TBX10: variants seen among roughly 807,000 people sequenced by gnomAD.
The protein encoded by TBX10 is T-box transcription factor 10.
Under a neutral mutation model 32.4 loss-of-function variants are expected in TBX10, and 26 were observed. The ratio of observed to expected loss-of-function variants is 0.80; its 90% CI spans 0.59 to 1.11. TBX10 has a LOEUF of 1.11. TBX10 is among the 50% of genes most tolerant of loss of function. The pLI is 0.00. For missense variants in TBX10, 490 were observed against 494.5 expected (o/e 0.99, Z 0.09); for synonymous variants, 195 against 203.1 (o/e 0.96, Z 0.34).
chr11:67,637,450 C>T (rs935011711), intron 1 of TBX10, among the ~76,000 whole-genome samples: 1 of 152,184 alleles, frequency 6.6e-6, no homozygotes, highest in African/African-American at 2.4e-5. Flanking sequence ...TATAACCTGA[C>T]GTGTCCACCC....
At chr11:67,640,915 C>T (rs754915748), upstream of TBX10, among the ~76,000 whole-genome samples, 8 of 152,136 alleles carry the variant, frequency 5.3e-5, no homozygotes, top group East Asian at 1.9e-4. Flanking sequence ...CACACAAAGA[C>T]GGTGGGCTGG....
At chr11:67,634,410 T>C (rs1456791536) in intron 3 of TBX10, 50 bp from the exon 4 acceptor site, 1 of 1,594,282 alleles carries the variant, frequency 6.3e-7, no homozygotes, top group South Asian at 1.1e-5. Context: ...GAGTCACGCC[T>C]GAACAATACA....
upstream of TBX10, among the ~76,000 whole-genome samples, chr11:67,641,726 C>T (rs999942234): frequency 5.9e-5 from 9 of 152,194 alleles, no homozygotes; most frequent in East Asian, 1.9e-4. Context: ...CAGGCAGGTG[C>T]GGGCAGTGAG....
intron 1 of TBX10, among the ~76,000 whole-genome samples, chr11:67,637,085 A>G (rs1855342303): frequency 6.6e-6 from 1 of 152,252 alleles, no homozygotes; most frequent in African/African-American, 2.4e-5. Context: ...CCAGACACCA[A>G]AGGACAAATA....
intron 4 of TBX10, 118 bp downstream of exon 4, chr11:67,634,071 G>T: frequency 8.9e-7 from 1 of 1,121,374 alleles, no homozygotes; most frequent in Non-Finnish European, 1.2e-6. Context: ...CCGGCTCCCC[G>T]CCCTGCCTTG....
chr11:67,635,391 T>C, intron 1 of TBX10, 128 bp from the exon 2 acceptor site: 1 of 1,336,308 alleles, frequency 7.5e-7, no homozygotes, highest in Non-Finnish European at 1.0e-6. Context: ...TCTCACAGGA[T>C]CCCCCACTCA....
At chr11:67,639,397 A>AGCC in intron 1 of TBX10, 69 bp downstream of exon 1, 1 of 381,860 alleles carries the variant, frequency 2.6e-6, no homozygotes. Context: ...CTTGGTTCCC[A>AGCC]CCCTGCCCAC....
At chr11:67,641,414 C>T (rs11607368), upstream of TBX10, among the ~76,000 whole-genome samples, 24,041 of 152,234 alleles carry the variant, frequency 0.16, 2,013 homozygotes, top group Non-Finnish European at 0.2. Flanking sequence ...CCACACAGCA[C>T]GCGCACAGAC....
chr11:67,632,580 C>T (rs1442212783), intron 6 of TBX10, 23 bp downstream of exon 6: 1 of 1,613,506 alleles, frequency 6.2e-7, no homozygotes, highest in South Asian at 1.1e-5. Flanking sequence ...GGGTGAGGGG[C>T]TAGGGTCAGG....
At chr11:67,634,042 G>C in intron 4 of TBX10, 147 bp downstream of exon 4, 1 of 735,910 alleles carries the variant, frequency 1.4e-6, no homozygotes, top group Non-Finnish European at 2.0e-6. Flanking sequence ...GCCACCCCCA[G>C]CCAGGTGAGC....
At chr11:67,641,108 T>C (rs1198185998), upstream of TBX10, among the ~76,000 whole-genome samples, 1 of 151,788 alleles carries the variant, frequency 6.6e-6, no homozygotes, top group Non-Finnish European at 1.5e-5. Flanking sequence ...GCCCTGGCCA[T>C]GGCATGGTGG....
intron 4 of TBX10, 33 bp from the exon 5 acceptor site, chr11:67,633,136 G>A: frequency 6.2e-7 from 1 of 1,606,656 alleles, no homozygotes; most frequent in Non-Finnish European, 8.5e-7. Context: ...GTACAGGGGT[G>A]AGGCGGAGTA....
At chr11:67,640,785 G>C (rs1320328663), upstream of TBX10, among the ~76,000 whole-genome samples, 1 of 152,188 alleles carries the variant, frequency 6.6e-6, no homozygotes, top group Admixed American at 6.5e-5. Flanking sequence ...TGGAGGGGCT[G>C]GGGGGCGGCA....
intron 1 of TBX10, 149 bp from the exon 2 acceptor site, chr11:67,635,412 G>A: frequency 8.4e-7 from 1 of 1,188,568 alleles, no homozygotes; most frequent in Admixed American, 2.1e-5. Context: ...GCATCACTCT[G>A]TGAGGTAAAT....
In TBX10 at chr11:67,631,861, G is replaced by A. The variant is rs868037507; in HGVS notation, c.902C>T (p.Thr301Ile). 6.3e-7 allele frequency: 1 copy of A among 1,577,430 alleles called. No individual in the cohort carries two copies. ...PNKASASTSK[T>I]PAWLHHQLLP... Reference sequence around the variant, plus strand: ...CAGCTGATGATGGAGCCAAGCAGGGGTCTTGGAGGTGGAAGCTGAAGCTTT... The same window carrying A: ...CAGCTGATGATGGAGCCAAGCAGGGATCTTGGAGGTGGAAGCTGAAGCTTT... The change falls in exon 8 of 8, where the codon ACC (threonine) becomes ATC (isoleucine). Residue 301 changes from threonine (T) to isoleucine (I), a missense_variant. Physicochemically the swap from Thr to Ile is moderately conservative, Grantham distance 89. Coordinates refer to ENST00000335385, the MANE Select transcript of TBX10 (RefSeq NM_005995.5).
chr11:67,636,283 A>T (rs1347164593), intron 1 of TBX10, among the ~76,000 whole-genome samples: 1 of 145,436 alleles, frequency 6.9e-6, no homozygotes, highest in South Asian at 2.2e-4. Context: ...GGATCTCCCT[A>T]TGTTGCCCAG....
chr11:67,632,983 G>C lies in TBX10; in HGVS notation c.670C>G (p.Gln224Glu). The C allele has an allele frequency of 2.5e-6, 4 of 1,614,210 alleles. No homozygotes were observed. The highest frequency in any genetic ancestry group is 3.4e-6 in the Non-Finnish European group (4 of 1,180,016). The change falls in exon 5 of 8, where the codon CAG becomes GAG. Residue 224 changes from glutamine to glutamate, a missense_variant. Physicochemically the swap from Gln to Glu is conservative, Grantham distance 29 (BLOSUM62 2). This residue lies in a region of TBX10 where 307 missense variants were observed against 294.9 expected (regional missense o/e 1.04). Coordinates refer to ENST00000335385, the MANE Select transcript of TBX10 (RefSeq NM_005995.5). ...TGATAGGCTGTCACTGCTGTGAACT[G>C]GGTCTCTGTGAAGATGAAGGACTTG... is the stretch of plus-strand genomic sequence containing the variant. Reference protein sequence around the residue: ...NFKSFIFTETQFTAVTAYQNH... With the variant: ...NFKSFIFTETEFTAVTAYQNH...
Position 67,634,344 on chromosome 11 carries a change from A to G in TBX10, c.394T>C (p.Ser132Pro). Residue 132 changes from serine (S) to proline (P), a missense_variant, in exon 4 of 8, where the codon TCG becomes CCG. Physicochemically the swap from Ser to Pro is moderately conservative, Grantham distance 74. This residue lies in a region of TBX10 where 307 missense variants were observed against 294.9 expected (regional missense o/e 1.04). Transcript: ENST00000335385. ...GCCTTGCCCGCCACCAGCCAGGCCG[A>G]GCTGTGGAAGGCATACCTGGGGAGC... ...DKRYRYAFHSSAWLVAGKADP... is the reference protein window; with the variant it reads ...DKRYRYAFHSPAWLVAGKADP... The G allele has an allele frequency of 6.2e-7, 1 of 1,604,092 alleles. No individual in the cohort carries two copies. Among genetic ancestry groups the G allele is most frequent in the Non-Finnish European group, 8.5e-7 (1 of 1,179,816 alleles).
rs1043800292 is a variant in TBX10, at chr11:67,632,755, C to T, written c.706-85G>A. 12 of 1,574,766 alleles carry T rather than the reference C, an allele frequency of 7.6e-6. No homozygotes were observed. In the African/African-American group the frequency reaches 1.2e-4, roughly 16 times the overall value. On this transcript the variant is annotated intron_variant, in intron 5 of 7. Coordinates refer to ENST00000335385, the MANE Select transcript of TBX10 (RefSeq NM_005995.5). Reference sequence around the variant, plus strand: ...TCCCGGGAACCGGCAGTCAGGAGGCCCTGGCACCTGGGCCTCTTGGCCCAG... The same window carrying T: ...TCCCGGGAACCGGCAGTCAGGAGGCTCTGGCACCTGGGCCTCTTGGCCCAG...
Sources: gnomAD v4.1 joint callset for allele counts (sites outside exome capture counted in the v4.1 genomes callset) on GRCh38, gnomAD v4.1.1 for gene constraint, gnomAD v4.1.1 regional missense constraint, MANE v1.5 for transcripts, NCBI Gene and HGNC (gene_info 2026-07-23, HGNC 2026-07-21) for gene names.